Variants in TACC1 observed in about 807,000 individuals in gnomAD.
TACC1 encodes the protein transforming acidic coiled-coil containing protein 1.
TACC1 carries 48 observed loss-of-function variants against 84.4 expected under a neutral mutation model. That is an observed-to-expected ratio of 0.57 (90% confidence interval 0.45 to 0.72). The LOEUF (loss-of-function observed/expected upper bound fraction) is 0.72, where lower values mean the gene tolerates loss of function less well. Among genes scored for constraint, TACC1 ranks in the 30% least tolerant of loss-of-function variants. The pLI is 0.00. For missense variants in TACC1, 920 were observed against 973.0 expected (o/e 0.95, Z 0.72); for synonymous variants, 372 against 376.3 (o/e 0.99, Z 0.13).
At chr8:38,829,500 C>G (rs1322674280) in intron 5 of TACC1, among the ~76,000 whole-genome samples, 4 of 152,140 alleles carry the variant, frequency 2.6e-5, no homozygotes, top group African/African-American at 9.7e-5. Flanking sequence ...ATCTGCACAT[C>G]CCTTCAGGTC....
exon 3 of TACC1, chr8:38,745,355 A>G (rs1229556443): frequency 7.1e-6 from 4 of 562,256 alleles, no homozygotes; most frequent in Non-Finnish European, 1.3e-5. Flanking sequence ...TGGAATCTTC[A>G]CAACCTAGCA....
intron 2 of TACC1, among the ~76,000 whole-genome samples, chr8:38,814,870 T>G (rs1017085123): frequency 2.0e-5 from 3 of 152,246 alleles, no homozygotes; most frequent in Non-Finnish European, 4.4e-5. Flanking sequence ...CTAATTAGTT[T>G]ATGGGTAAAT....
rs773646335 is a variant in TACC1, at chr8:38,839,355, T to G, written c.1916+809T>G. 47 of 395,394 alleles carry G rather than the reference T, an allele frequency of 1.2e-4. 1 individual carries two copies. The highest frequency in any genetic ancestry group is 8.0e-4 in the African/African-American group (39 of 48,598). The allele number at this position is 395,394 out of a possible 1,614,324, so 24.5% of individuals were successfully genotyped here. A position where few individuals can be genotyped will look rare whatever the true frequency, so the allele number is the denominator to read the frequency against. ...GGAGAGTTATGAGCCATGAAATGACTAAAGATGAAATCAAAGTAGAGAAGA... is the reference window on the plus strand; with the variant it reads ...GGAGAGTTATGAGCCATGAAATGACGAAAGATGAAATCAAAGTAGAGAAGA... On this transcript the variant is annotated intron_variant, in intron 8 of 12. Coordinates refer to ENST00000317827, the MANE Select transcript of TACC1 (RefSeq NM_006283.3).
At chr8:38,847,700 AAG>A (rs1331657817) in intron 12 of TACC1, among the ~76,000 whole-genome samples, 4 of 152,252 alleles carry the variant, frequency 2.6e-5, no homozygotes, top group African/African-American at 9.6e-5. Context: ...TTGGGGAACT[AAG>A]AGATTCATGG....
At chr8:38,741,905 A>G (rs977274826) in intron 1 of TACC1, among the ~76,000 whole-genome samples, 9 of 152,258 alleles carry the variant, frequency 5.9e-5, no homozygotes, top group Admixed American at 3.3e-4. Flanking sequence ...AAAAAAATCA[A>G]TAAAAATCTC....
intron 5 of TACC1, among the ~76,000 whole-genome samples, chr8:38,830,661 T>C (rs1342811356): frequency 6.6e-6 from 1 of 152,174 alleles, no homozygotes; most frequent in Admixed American, 6.5e-5. Context: ...GAGGGGAGAA[T>C]GAGTTTAGTT....
At chr8:38,760,768 C>G (rs1018544863) in intron 3 of TACC1, among the ~76,000 whole-genome samples, 2 of 152,160 alleles carry the variant, frequency 1.3e-5, no homozygotes, top group African/African-American at 4.8e-5. Context: ...ATGATCCACC[C>G]ACCTCACCCT....
rs544002515 is a variant in TACC1 at position 38,848,620 on chromosome 8, T to A, written c.*597T>A. On this transcript the variant is annotated 3_prime_UTR_variant, in exon 13 of 13. Transcript: ENST00000317827. ...AGAACTGCTCTACAGAAGGACATAT[T>A]TCCTTGGATGTGAGACCCTATTTTG... The A allele has an allele frequency of 9.8e-5, 15 of 152,800 alleles. No homozygotes were observed. In the South Asian group the frequency reaches 2.9e-3, roughly 30 times the overall value. 9.5% of individuals were successfully genotyped at this position (152,800 alleles called of 1,614,324 possible).
intron 11 of TACC1, 54 bp from the exon 12 acceptor site, chr8:38,846,645 A>C (rs1832358185): frequency 6.2e-7 from 1 of 1,605,284 alleles, no homozygotes; most frequent in African/African-American, 1.3e-5. Context: ...GGCTTTGACT[A>C]GTGGCTAATC....
chr8:38,779,238 G>T (rs533025858), intron 3 of TACC1, among the ~76,000 whole-genome samples: 1 of 152,286 alleles, frequency 6.6e-6, no homozygotes, highest in South Asian at 2.1e-4. Flanking sequence ...GCCTCCAAAA[G>T]TGCTGGGATT....
chr8:38,827,376 G>T lies in TACC1; in HGVS notation c.1660+1G>T, dbSNP rs1408984940. The T allele has an allele frequency of 6.2e-6, 10 of 1,613,856 alleles. No individual in the cohort carries two copies. The highest frequency in any genetic ancestry group is 8.5e-6 in the Non-Finnish European group (10 of 1,179,876). On this transcript the variant is annotated splice_donor_variant, in intron 5 of 12. Coordinates refer to ENST00000317827, the MANE Select transcript of TACC1 (RefSeq NM_006283.3). LOFTEE classifies it high-confidence loss of function. ...CATGCGTTTTCATCCTCAGAAGCAG[G>T]TATGGAAGCATATCTTCATCTTTCT...
At chr8:38,769,626 G>T (rs1381916727) in intron 3 of TACC1, among the ~76,000 whole-genome samples, 2 of 149,320 alleles carry the variant, frequency 1.3e-5, no homozygotes, top group Admixed American at 6.7e-5. Flanking sequence ...CAGGAATGTG[G>T]TGTGTGTGAC....
chr8:38,845,423 G>A (rs1832044337), intron 11 of TACC1, among the ~76,000 whole-genome samples: 1 of 151,956 alleles, frequency 6.6e-6, no homozygotes, highest in South Asian at 2.1e-4. Flanking sequence ...CCCTCTAGTC[G>A]TTTCTTTGTG....
At chr8:38,747,054 T>A (rs1456194403) in intron 3 of TACC1, among the ~76,000 whole-genome samples, 1 of 152,194 alleles carries the variant, frequency 6.6e-6, no homozygotes, top group Non-Finnish European at 1.5e-5. Flanking sequence ...AAAACAATTA[T>A]AACATCTCAC....
intron 1 of TACC1, among the ~76,000 whole-genome samples, chr8:38,735,695 C>T (rs1003111657): frequency 6.6e-6 from 1 of 152,166 alleles, no homozygotes; most frequent in Non-Finnish European, 1.5e-5. Flanking sequence ...GCTGCTGTCT[C>T]CTGTGGCCTC....
intron 3 of TACC1, 26 bp from the exon 4 acceptor site, chr8:38,825,282 C>T (rs1563827080): frequency 6.2e-7 from 1 of 1,613,864 alleles, no homozygotes; most frequent in Admixed American, 1.7e-5. Context: ...TGCAAACTGG[C>T]TTGTTTGTGT....
chr8:38,774,152 G>T (rs1173991247), intron 3 of TACC1, among the ~76,000 whole-genome samples: 1 of 152,160 alleles, frequency 6.6e-6, no homozygotes, highest in Non-Finnish European at 1.5e-5. Flanking sequence ...CACCCAGGCA[G>T]CTTCTGCCTA....
intron 2 of TACC1, among the ~76,000 whole-genome samples, chr8:38,809,441 C>T (rs1303610865): frequency 6.6e-6 from 1 of 152,106 alleles, no homozygotes; most frequent in Admixed American, 6.5e-5. Context: ...TCTTTCCTCC[C>T]CCTTCCCTAG....
chr8:38,804,053 T>C (rs777816398), intron 2 of TACC1, among the ~76,000 whole-genome samples: 26 of 152,320 alleles, frequency 1.7e-4, no homozygotes, highest in Non-Finnish European at 3.5e-4. Flanking sequence ...CAGTTACTTA[T>C]AGTATTTTTT....
Sources: allele counts gnomAD v4.1 joint callset (sites outside exome capture counted in the v4.1 genomes callset), GRCh38; gene constraint gnomAD v4.1.1; transcripts MANE v1.5; gene names NCBI Gene and HGNC (gene_info 2026-07-23, HGNC 2026-07-21).